Variants in TAC1 observed in about 807,000 individuals in gnomAD.
TAC1 encodes the protein protachykinin-1.
In TAC1, 12 loss-of-function variants were observed where a neutral mutation model predicts 21.7. That is an observed-to-expected ratio of 0.55 (90% CI 0.35 to 0.89). The LOEUF is 0.89. Ranked by LOEUF, TAC1 falls within the 40% of genes least tolerant of loss-of-function variation. The pLI, the probability that TAC1 is intolerant of heterozygous loss-of-function variation, is 0.01. For missense variants in TAC1, 128 were observed against 151.4 expected (o/e 0.85, Z 0.81); for synonymous variants, 52 against 52.0 (o/e 1.00, Z 0.00).
At chr7:97,735,816 C>A (rs1789564518) in intron 5 of TAC1, among the ~76,000 whole-genome samples, 1 of 152,110 alleles carries the variant, frequency 6.6e-6, no homozygotes, top group African/African-American at 2.4e-5. Flanking sequence ...AAAGGAGTAT[C>A]TTTTAATATC....
intron 5 of TAC1, among the ~76,000 whole-genome samples, chr7:97,735,209 AC>A (rs780474012): frequency 1.7e-4 from 26 of 151,950 alleles, no homozygotes; most frequent in African/African-American, 2.7e-4. Flanking sequence ...CAAACACGAA[AC>A]CCCCACAAGC....
chr7:97,737,502 A>T (rs929580758), intron 6 of TAC1, among the ~76,000 whole-genome samples: 4 of 152,000 alleles, frequency 2.6e-5, no homozygotes, highest in African/African-American at 7.2e-5. Context: ...CGCAATAGAA[A>T]AAAAAAGTTA....
chr7:97,736,178 C>T, intron 5 of TAC1, 121 bp from the exon 6 acceptor site: 1 of 723,026 alleles, frequency 1.4e-6, no homozygotes, highest in Non-Finnish European at 2.2e-6. Flanking sequence ...CTCACCAAAA[C>T]TTGAAGTAGA....
intron 6 of TAC1, among the ~76,000 whole-genome samples, chr7:97,737,959 C>T (rs550610750): frequency 1.3e-5 from 2 of 152,020 alleles, no homozygotes; most frequent in East Asian, 3.9e-4. Flanking sequence ...ACATGCTTAA[C>T]TTTACAAATG....
intron 6 of TAC1, among the ~76,000 whole-genome samples, chr7:97,736,808 T>C (rs1457695632): frequency 6.6e-6 from 1 of 152,116 alleles, no homozygotes; most frequent in Non-Finnish European, 1.5e-5. Flanking sequence ...AAATTCTTTA[T>C]GCAAATTAAT....
At position 97,732,492 on chromosome 7, in the gene TAC1, T is replaced by G; in HGVS notation, c.-9-112T>G. ...GACTTCAGTCCTTATGTTTTTGATC[T>G]TGGTTCATCCGTTGTGGGGCAGAAA... On this transcript the variant is annotated intron_variant, in intron 1 of 6. Coordinates refer to ENST00000319273, the MANE Select transcript of TAC1 (RefSeq NM_003182.3). This position sits in a 1 kb window ranked among gnomAD's most constrained non-coding sequence, Gnocchi z 6.2. The G allele has an allele frequency of 1.6e-6, 2 of 1,279,048 alleles. No individual in the cohort carries two copies. The highest frequency in any genetic ancestry group is 1.9e-4 in the Middle Eastern group (1 of 5,220). The allele number at this position is 1,279,048 out of a possible 1,614,324, so 79.2% of individuals were successfully genotyped here.
chr7:97,738,171 C>A (rs989835824), intron 6 of TAC1, among the ~76,000 whole-genome samples: 5 of 151,938 alleles, frequency 3.3e-5, no homozygotes, highest in Non-Finnish European at 5.9e-5. Flanking sequence ...AATCAGGGAT[C>A]TTTTTATGTA....
chr7:97,739,559 C>T (rs1789654638), intron 6 of TAC1, among the ~76,000 whole-genome samples: 3 of 152,018 alleles, frequency 2.0e-5, no homozygotes, highest in Admixed American at 1.3e-4. Context: ...TTCTAGAATT[C>T]ACTATGGGTA....
intron 2 of TAC1, 31 bp from the exon 3 acceptor site, chr7:97,733,692 C>T: frequency 6.2e-7 from 1 of 1,610,724 alleles, no homozygotes; most frequent in East Asian, 2.2e-5. Flanking sequence ...GGTTGCCTTA[C>T]ACGCCCTTTG....
chr7:97,734,503 TTCTC>T (rs1238506911), intron 4 of TAC1, among the ~76,000 whole-genome samples: 4 of 148,060 alleles, frequency 2.7e-5, no homozygotes, highest in Non-Finnish European at 4.5e-5. Context: ...CTCTCTCTCT[TTCTC>T]TCTCTCTCTC....
chr7:97,733,155 G>A (rs1378993610), intron 2 of TAC1: 3 of 184,114 alleles, frequency 1.6e-5, no homozygotes, highest in African/African-American at 7.1e-5. Context: ...GCTGCAGGGG[G>A]ATTGGAGGGC....
intron 6 of TAC1, 89 bp downstream of exon 6, chr7:97,736,441 G>A: frequency 8.1e-7 from 1 of 1,233,946 alleles, no homozygotes; most frequent in African/African-American, 1.5e-5. Context: ...TTAAAAAGGA[G>A]TGGTAGATAT....
chr7:97,734,201 G>T (rs1789506567), intron 3 of TAC1, 47 bp from the exon 4 acceptor site: 2 of 1,570,388 alleles, frequency 1.3e-6, no homozygotes, highest in Non-Finnish European at 1.8e-6. Context: ...TGAATTCATC[G>T]CACGGTCAGT....
At chr7:97,737,492 C>T (rs1789603846) in intron 6 of TAC1, among the ~76,000 whole-genome samples, 1 of 150,972 alleles carries the variant, frequency 6.6e-6, no homozygotes, top group Non-Finnish European at 1.5e-5. Flanking sequence ...AATCAAAACG[C>T]GCAATAGAAA....
chr7:97,739,839 A>G, intron 6 of TAC1, 35 bp from the exon 7 acceptor site: 1 of 1,563,426 alleles, frequency 6.4e-7, no homozygotes, highest in Non-Finnish European at 8.7e-7. Flanking sequence ...CAGTGAATTC[A>G]CTTAAAAAAC....
In TAC1 at chr7:97,740,030, G is replaced by A. The variant is rs1789670082; in HGVS notation, c.*110G>A. ...TTATTTATTTAATAACAATTGTTTGGGGTTGAAAATTCAAAAAGTGTTTAT... is the reference window on the plus strand; with the variant it reads ...TTATTTATTTAATAACAATTGTTTGAGGTTGAAAATTCAAAAAGTGTTTAT... On this transcript the variant is annotated 3_prime_UTR_variant, in exon 7 of 7. Coordinates refer to ENST00000319273, the MANE Select transcript of TAC1 (RefSeq NM_003182.3). 1 of 774,944 alleles carries A rather than the reference G, an allele frequency of 1.3e-6. No individual in the cohort carries two copies. Among genetic ancestry groups the A allele is most frequent in the Non-Finnish European group, 1.9e-6 (1 of 519,758 alleles). 48.0% of individuals were successfully genotyped at this position (774,944 alleles called of 1,614,324 possible).
chr7:97,733,559 C>T (rs1012615054), intron 2 of TAC1, among the ~76,000 whole-genome samples, 164 bp from the exon 3 acceptor site: 1 of 151,568 alleles, frequency 6.6e-6, no homozygotes, highest in East Asian at 2.0e-4. Context: ...CGGGGAGGGG[C>T]GCAGAGAGGC....
At chr7:97,736,383 A>G in intron 6 of TAC1, 31 bp downstream of exon 6, 1 of 1,552,572 alleles carries the variant, frequency 6.4e-7, no homozygotes, top group East Asian at 2.3e-5. Context: ...GAAAATAGAC[A>G]GTATCTCAAA....
Position 97,732,978 on chromosome 7 carries a change from TGCCCTC to T in TAC1, c.123+244_123+249del. 4 of 451,356 alleles carry T rather than the reference TGCCCTC, an allele frequency of 8.9e-6. No homozygotes were observed. Among genetic ancestry groups the T allele is most frequent in the South Asian group, 7.4e-5 (2 of 27,154 alleles). The allele number at this position is 451,356 out of a possible 1,614,324, so 28.0% of individuals were successfully genotyped here. On this transcript the variant is annotated intron_variant, in intron 2 of 6. Transcript: ENST00000319273. The surrounding 1 kb of genome is among the most constrained non-coding windows in gnomAD (Gnocchi z 6.2). ...GCCCAGGAACTCCCTGCAGTAGGGA[TGCCCTC>T]CCGGATGAGCCCGAGATCCTCACAA...
Sources: allele counts gnomAD v4.1 joint callset (sites outside exome capture counted in the v4.1 genomes callset), GRCh38; gene constraint gnomAD v4.1.1; non-coding constraint Gnocchi (gnomAD v3.1); transcripts MANE v1.5; gene names NCBI Gene and HGNC (gene_info 2026-07-23, HGNC 2026-07-21).